The following DLGAP2 variants were observed in gnomAD, a reference collection of about 807,000 sequenced individuals.
DLGAP2 encodes the protein disks large-associated protein 2.
In DLGAP2, 26 loss-of-function variants were observed where a neutral mutation model predicts 100.3. The observed-to-expected ratio is 0.26, with a 90% CI of 0.19 to 0.36. DLGAP2 has a LOEUF of 0.36. Among genes scored for constraint, DLGAP2 ranks in the 10% least tolerant of loss-of-function variants. DLGAP2 has a pLI of 1.00. For synonymous variants in DLGAP2, 886 were observed against 630.1 expected (o/e 1.41, Z -6.08); for missense variants, 1,858 against 1,453.2 (o/e 1.28, Z -4.53).
At chr8:1,184,372 G>A (rs189839042) in intron 2 of DLGAP2, among the ~76,000 whole-genome samples, 3 of 152,328 alleles carry the variant, frequency 2.0e-5, no homozygotes, top group African/African-American at 4.8e-5. Flanking sequence ...TCTGGGGAGC[G>A]GCTGTCCGCA....
intron 1 of DLGAP2, among the ~76,000 whole-genome samples, chr8:763,823 A>G (rs1821146141): frequency 6.6e-6 from 1 of 152,252 alleles, no homozygotes; most frequent in Admixed American, 6.5e-5. Flanking sequence ...GAGGCAAACG[A>G]TGAAATAGAA....
intron 2 of DLGAP2, among the ~76,000 whole-genome samples, chr8:1,211,368 C>T (rs551884934): frequency 2.6e-5 from 4 of 152,312 alleles, no homozygotes; most frequent in African/African-American, 9.6e-5. Flanking sequence ...CTTGTTTTTC[C>T]ATCAGATAGA....
At chr8:1,091,264 C>G (rs575332991) in intron 2 of DLGAP2, among the ~76,000 whole-genome samples, 1 of 152,176 alleles carries the variant, frequency 6.6e-6, no homozygotes, top group Non-Finnish European at 1.5e-5. Flanking sequence ...AGCGGATACT[C>G]GAAGGTGAGG....
chr8:1,273,335 T>A (rs1799619807), intron 3 of DLGAP2, among the ~76,000 whole-genome samples: 1 of 152,188 alleles, frequency 6.6e-6, no homozygotes, highest in Admixed American at 6.5e-5. Context: ...TGAGTCCCTG[T>A]TGCCAGCTGA....
intron 1 of DLGAP2, among the ~76,000 whole-genome samples, chr8:864,864 G>T (rs1025536433): frequency 6.6e-6 from 1 of 152,032 alleles, no homozygotes; most frequent in African/African-American, 2.4e-5. Context: ...CAGTGTTCTC[G>T]TCATTGATAA....
chr8:1,214,340 C>T (rs1423691115), intron 2 of DLGAP2, among the ~76,000 whole-genome samples: 4 of 152,216 alleles, frequency 2.6e-5, no homozygotes, highest in African/African-American at 4.8e-5. Context: ...ATCGTTTTTC[C>T]GTGAGCAGCC....
chr8:1,650,222 G>C (rs931337695), intron 8 of DLGAP2, among the ~76,000 whole-genome samples: 1 of 152,218 alleles, frequency 6.6e-6, no homozygotes, highest in Non-Finnish European at 1.5e-5. Context: ...GGTACCTGAT[G>C]TGTATAAGAT....
At chr8:786,722 G>A (rs1235398413) in intron 1 of DLGAP2, among the ~76,000 whole-genome samples, 2 of 152,214 alleles carry the variant, frequency 1.3e-5, no homozygotes, top group South Asian at 2.1e-4. Context: ...GAGTTTCCCT[G>A]TTAGCAACTG....
At chr8:1,263,963 G>T (rs1331606830) in intron 3 of DLGAP2, among the ~76,000 whole-genome samples, 1 of 152,178 alleles carries the variant, frequency 6.6e-6, no homozygotes, top group Non-Finnish European at 1.5e-5. Context: ...GCTCTAGCCA[G>T]TCTGTCTTCT....
intron 3 of DLGAP2, among the ~76,000 whole-genome samples, chr8:1,275,380 T>C (rs553415883): frequency 6.7e-6 from 1 of 148,976 alleles, no homozygotes. Context: ...AAAAACACAA[T>C]AGATTTGCAC....
intron 2 of DLGAP2, among the ~76,000 whole-genome samples, chr8:970,989 G>T (rs546106308): frequency 6.6e-6 from 1 of 152,232 alleles, no homozygotes; most frequent in Admixed American, 6.5e-5. Flanking sequence ...ATGTTTAACC[G>T]TAAACCTTAG....
At chr8:1,075,479 T>C (rs1212618911) in intron 2 of DLGAP2, among the ~76,000 whole-genome samples, 1 of 152,122 alleles carries the variant, frequency 6.6e-6, no homozygotes, top group Admixed American at 6.5e-5. Context: ...GTCACATTTT[T>C]CCCTCTACTG....
chr8:1,301,810 C>T (rs1800349472), intron 3 of DLGAP2: 1 of 152,404 alleles, frequency 6.6e-6, no homozygotes, highest in Non-Finnish European at 1.5e-5. Flanking sequence ...CGGCCGGCTC[C>T]ATTTCCTCAT....
intron 3 of DLGAP2, among the ~76,000 whole-genome samples, chr8:1,423,434 G>A (rs539594836): frequency 1.3e-5 from 2 of 152,308 alleles, no homozygotes; most frequent in Admixed American, 1.3e-4. Flanking sequence ...CCCACTTTGT[G>A]CTCCGCGAGG....
intron 2 of DLGAP2, among the ~76,000 whole-genome samples, chr8:1,052,891 CATT>C (rs1421925847): frequency 6.6e-6 from 1 of 152,148 alleles, no homozygotes; most frequent in Non-Finnish European, 1.5e-5. Context: ...TATTCAAACT[CATT>C]ATTAATCTTC....
intron 4 of DLGAP2, among the ~76,000 whole-genome samples, chr8:1,527,746 C>A (rs1800841114): frequency 6.6e-6 from 1 of 152,166 alleles, no homozygotes; most frequent in South Asian, 2.1e-4. Context: ...GGGTCAAGGA[C>A]AAGCAGGACT....
At chr8:1,456,695 C>T (rs1017497976) in intron 3 of DLGAP2, among the ~76,000 whole-genome samples, 10 of 135,884 alleles carry the variant, frequency 7.4e-5, no homozygotes, top group African/African-American at 5.4e-5. Context: ...GTCTAGGATC[C>T]TTATGTGACT....
intron 6 of DLGAP2, among the ~76,000 whole-genome samples, chr8:1,568,680 A>T (rs71499018): frequency 2.4e-5 from 3 of 127,198 alleles, no homozygotes; most frequent in African/African-American, 9.3e-5. Flanking sequence ...GCAGACACAA[A>T]TCCGTCTCTG....
intron 12 of DLGAP2, among the ~76,000 whole-genome samples, chr8:1,688,719 T>C (rs957576575): frequency 6.6e-6 from 1 of 152,218 alleles, no homozygotes; most frequent in African/African-American, 2.4e-5. Flanking sequence ...AAAATAGGTT[T>C]TTAAGTCCAT....
Sources: allele counts gnomAD v4.1 joint callset (sites outside exome capture counted in the v4.1 genomes callset), GRCh38; gene constraint gnomAD v4.1.1; transcripts MANE v1.5; gene names NCBI Gene and HGNC (gene_info 2026-07-23, HGNC 2026-07-21).